Variants in CERS4 observed in about 807,000 individuals in gnomAD.
CERS4 encodes LAG1 homolog, ceramide synthase 4.
In CERS4, 65 loss-of-function variants were observed where a neutral mutation model predicts 51.8. The ratio of observed to expected loss-of-function variants is 1.26; its 90% confidence interval spans 1.03 to 1.54. CERS4 has a LOEUF of 1.54. Ranked by LOEUF, CERS4 falls within the 40% of genes most tolerant of loss-of-function variation. The probability of loss-of-function intolerance (pLI) is 0.00; values close to 1 mark genes in which losing one functional copy is unlikely to be tolerated. For synonymous variants in CERS4, 228 were observed against 208.4 expected, an observed-to-expected ratio of 1.09 and a Z score of -0.81; for missense variants, 563 against 500.4, an observed-to-expected ratio of 1.13 and a Z score of -1.19.
Position 8,262,036 on chromosome 19 carries a change from G to C in CERS4, c.1112G>C (p.Arg371Thr). The C allele has an allele frequency of 6.4e-7, 1 of 1,558,736 alleles. No homozygotes were observed. The highest frequency in any genetic ancestry group is 8.7e-7 in the Non-Finnish European group (1 of 1,155,986). Residue 371 changes from arginine to threonine, a missense_variant, in exon 12 of 12, where the codon AGG (arginine) becomes ACG (threonine). Coordinates refer to ENST00000251363, the MANE Select transcript of CERS4 (RefSeq NM_024552.3). ...AAGAACGGGGCAGCTGGAGGGCCCA[G>C]GCCAGCCCCCACTGATGGCCCTCGG... ...QLKNGAAGGPRPAPTDGPRSR... is the reference protein window; with the variant it reads ...QLKNGAAGGPTPAPTDGPRSR...
chr19:8,221,883 T>TTG lies in CERS4; in HGVS notation c.-2+11022_-2+11023insGT, dbSNP rs1555772054. ...ATTTATTTTTTTATGTTTTTTTTTT[T>TTG]TTTTTTTTTTTTTTTTGAGACAGAG... On this transcript the variant is annotated intron_variant, in intron 2 of 11. Coordinates refer to ENST00000251363, the MANE Select transcript of CERS4 (RefSeq NM_024552.3). Among the ~76,000 whole-genome samples the TTG allele has an allele frequency of 2.4e-3, 237 of 99,324 alleles. 2 individuals carry two copies. The highest frequency in any genetic ancestry group is 5.2e-3 in the South Asian group (14 of 2,676). The allele number at this position is 99,324 out of a possible 152,430, so 65.2% of individuals were successfully genotyped here.
At chr19:8,246,420 A>G (rs1968791254) in intron 2 of CERS4, among the ~76,000 whole-genome samples, 1 of 151,916 alleles carries the variant, frequency 6.6e-6, no homozygotes, top group Non-Finnish European at 1.5e-5. Context: ...TTAGCCAGTC[A>G]TGGTGGTGTG....
At chr19:8,238,887 C>T (rs1328547020) in intron 2 of CERS4, among the ~76,000 whole-genome samples, 2 of 151,918 alleles carry the variant, frequency 1.3e-5, no homozygotes, top group South Asian at 4.1e-4. Context: ...TGGCTCAAGA[C>T]CAGGAGTGCA....
chr19:8,234,803 C>T (rs1968167648), intron 2 of CERS4, among the ~76,000 whole-genome samples: 1 of 151,580 alleles, frequency 6.6e-6, no homozygotes, highest in African/African-American at 2.4e-5. Flanking sequence ...ATCCACCTGC[C>T]TCGGCTTCTC....
chr19:8,251,953 G>A (rs1039068116), intron 3 of CERS4, among the ~76,000 whole-genome samples: 6 of 151,586 alleles, frequency 4.0e-5, no homozygotes, highest in African/African-American at 7.3e-5. Context: ...TAGGCCAGAC[G>A]TGGTAGCTGA....
rs540422777 is a variant in CERS4 at position 8,212,138 on chromosome 19, G to C, written c.-2+1276G>C. 5.9e-5 allele frequency among the ~76,000 whole-genome samples: 9 copies of C among 152,258 alleles called. No homozygotes were observed. The East Asian group carries it at 1.2e-3, about 20-fold the overall frequency. ...AGCCAGGGTTGTAAGATCCAGAAGA[G>C]GGGAGAGGAAGAAGGGCAGAGCCAG... On this transcript the variant is annotated intron_variant, in intron 2 of 11. Transcript: ENST00000251363.
At chr19:8,226,270 G>A (rs1235755349) in intron 2 of CERS4, among the ~76,000 whole-genome samples, 1 of 152,130 alleles carries the variant, frequency 6.6e-6, no homozygotes, top group Non-Finnish European at 1.5e-5. Flanking sequence ...GGAGGTAAGG[G>A]CTTGTCCCTG....
At chr19:8,213,216 A>C (rs2145153316) in intron 2 of CERS4, among the ~76,000 whole-genome samples, 1 of 150,788 alleles carries the variant, frequency 6.6e-6, no homozygotes, top group East Asian at 2.0e-4. Context: ...GATTTTGTAG[A>C]GTTTTGCCAG....
rs1409799481 is a variant in CERS4, at chr19:8,235,026, C to T, written c.-1-16050C>T. ...TTCTTTCTTTCTTTTTTTTTTTTTT[C>T]AGACAGAGTTTCACTCTTGTTGCCC... On this transcript the variant is annotated intron_variant, in intron 2 of 11. Coordinates refer to ENST00000251363, the MANE Select transcript of CERS4 (RefSeq NM_024552.3). Among the ~76,000 whole-genome samples the T allele has an allele frequency of 8.7e-3, 571 of 65,796 alleles. 6 individuals are homozygous for T. Among genetic ancestry groups the T allele is most frequent in the African/African-American group, 0.03 (501 of 16,684 alleles). The allele number at this position is 65,796 out of a possible 152,430, so 43.2% of individuals were successfully genotyped here. A position where few individuals can be genotyped will look rare whatever the true frequency, so the allele number is the denominator to read the frequency against.
intron 2 of CERS4, among the ~76,000 whole-genome samples, chr19:8,223,853 C>A (rs1317466363): frequency 6.6e-6 from 1 of 152,036 alleles, no homozygotes; most frequent in Non-Finnish European, 1.5e-5. Flanking sequence ...AATCCCAGCA[C>A]TTTGGGAGAC....
At chr19:8,238,416 C>A in intron 2 of CERS4, 2 of 681,198 alleles carry the variant, frequency 2.9e-6, no homozygotes, top group Non-Finnish European at 3.6e-6. Context: ...GGGAAGAGGG[C>A]GGAGGCATGT....
intron 3 of CERS4, among the ~76,000 whole-genome samples, chr19:8,254,018 G>A (rs1381513817): frequency 6.6e-6 from 1 of 151,984 alleles, no homozygotes. Context: ...CTGATCAGAT[G>A]GAAAAGAAAG....
chr19:8,229,335 G>A (rs1967913702), intron 2 of CERS4, among the ~76,000 whole-genome samples: 1 of 152,222 alleles, frequency 6.6e-6, no homozygotes, highest in East Asian at 1.9e-4. Context: ...CAGCTCCCTA[G>A]TATAACAACT....
In CERS4 at chr19:8,210,022, C is replaced by T. The variant is rs372119082; in HGVS notation, c.-159+528C>T. 1 of 152,082 alleles carries T rather than the reference C, an allele frequency of 6.6e-6. No individual in the cohort carries two copies. Among genetic ancestry groups the T allele is most frequent in the Admixed American group, 6.6e-5 (1 of 15,246 alleles). The allele number at this position is 152,082 out of a possible 1,614,324, so 9.4% of individuals were successfully genotyped here. On this transcript the variant is annotated intron_variant, in intron 1 of 11. Coordinates refer to ENST00000251363, the MANE Select transcript of CERS4 (RefSeq NM_024552.3). The surrounding 1 kb of genome is among the most constrained non-coding windows in gnomAD (Gnocchi z 4.2). ...ACCAGCCAGCGAGGGCTTTTTAGGC[C>T]CAGGGCCTAGCCGGGAGTGTGTGCG...
intron 2 of CERS4, among the ~76,000 whole-genome samples, chr19:8,237,118 CAG>C (rs1481404719): frequency 6.6e-6 from 1 of 151,262 alleles, no homozygotes; most frequent in Non-Finnish European, 1.5e-5. Context: ...CCCAGGAACA[CAG>C]AGACGATTAT....
intron 9 of CERS4, among the ~76,000 whole-genome samples, 168 bp from the exon 10 acceptor site, chr19:8,257,711 T>C (rs1036463497): frequency 7.2e-5 from 11 of 152,128 alleles, no homozygotes; most frequent in Non-Finnish European, 1.5e-4. Flanking sequence ...ATTACAGGCG[T>C]GAGCCACCAT....
chr19:8,211,527 C>A (rs1449663434), intron 2 of CERS4, among the ~76,000 whole-genome samples: 1 of 152,212 alleles, frequency 6.6e-6, no homozygotes, highest in African/African-American at 2.4e-5. Context: ...CAGTGCCTGG[C>A]TGGTTGTGAA....
At chr19:8,254,882 C>T (rs902461449) in intron 4 of CERS4, among the ~76,000 whole-genome samples, 3 of 151,964 alleles carry the variant, frequency 2.0e-5, no homozygotes, top group Admixed American at 2.0e-4. Flanking sequence ...AGGACCCCCC[C>T]CTTCCCAGCC....
At chr19:8,260,408 A>G (rs1233807969) in intron 10 of CERS4, among the ~76,000 whole-genome samples, 2 of 144,320 alleles carry the variant, frequency 1.4e-5, no homozygotes, top group South Asian at 2.2e-4. Flanking sequence ...GGGTTTCACC[A>G]TGTTGGCCAG....
Sources: allele counts gnomAD v4.1 joint callset (sites outside exome capture counted in the v4.1 genomes callset), GRCh38; gene constraint gnomAD v4.1.1; non-coding constraint Gnocchi (gnomAD v3.1); transcripts MANE v1.5; gene names NCBI Gene and HGNC (gene_info 2026-07-23, HGNC 2026-07-21).